EEF1E1: variants seen among roughly 807,000 people sequenced by gnomAD.
EEF1E1 encodes eukaryotic translation elongation factor 1 epsilon 1.
Under a neutral mutation model 19.9 loss-of-function variants are expected in EEF1E1, and 19 were observed. The ratio of observed to expected loss-of-function variants is 0.95; its 90% CI spans 0.66 to 1.40. The LOEUF (loss-of-function observed/expected upper bound fraction) is 1.40, where lower values mean the gene tolerates loss of function less well. Ranked by LOEUF, EEF1E1 falls within the 40% of genes most tolerant of loss-of-function variation. EEF1E1 has a pLI of 0.00. For synonymous variants in EEF1E1, 81 were observed against 80.0 expected (o/e 1.01, Z -0.07); for missense variants, 198 against 202.2 (o/e 0.98, Z 0.13).
downstream of EEF1E1, chr6:8,079,303 A>G: frequency 1.7e-6 from 1 of 598,530 alleles, no homozygotes; most frequent in Non-Finnish European, 2.1e-6. Context: ...CTCAAGAGGA[A>G]TGTATCTTAC....
chr6:8,097,539 CA>C (rs1477766894), intron 1 of EEF1E1, 72 bp from the exon 2 acceptor site: 10 of 1,186,470 alleles, frequency 8.4e-6, no homozygotes, highest in Non-Finnish European at 1.2e-5. Context: ...TCTAAGTAAC[CA>C]CGAAATCCCT....
downstream of EEF1E1, among the ~76,000 whole-genome samples, chr6:8,076,503 T>C (rs1037575984): frequency 2.7e-5 from 4 of 150,834 alleles, no homozygotes; most frequent in Non-Finnish European, 5.9e-5. Context: ...TTTTGTATTT[T>C]TAGTACAGAC....
intron 3 of EEF1E1, among the ~76,000 whole-genome samples, chr6:8,088,726 G>GCCTT (rs1226860034): frequency 2.6e-5 from 4 of 152,094 alleles, no homozygotes; most frequent in African/African-American, 9.7e-5. Flanking sequence ...CAAATGGTTT[G>GCCTT]GCCTAGGAAA....
At chr6:8,099,458 A>G (rs1758262602) in intron 1 of EEF1E1, among the ~76,000 whole-genome samples, 1 of 152,056 alleles carries the variant, frequency 6.6e-6, no homozygotes, top group Non-Finnish European at 1.5e-5. Flanking sequence ...GTTTAAGAAC[A>G]CTCTAAGGCT....
At chr6:8,097,164 A>T in intron 2 of EEF1E1, 103 bp downstream of exon 2, 1 of 1,113,366 alleles carries the variant, frequency 9.0e-7, no homozygotes, top group Non-Finnish European at 1.3e-6. Flanking sequence ...AGGCAGAAGG[A>T]AAGAGGTGAA....
chr6:8,079,448 C>T lies in EEF1E1; in HGVS notation c.*442G>A. 1.0e-6 allele frequency: 1 copy of T among 989,140 alleles called. No homozygotes were observed. The highest frequency in any genetic ancestry group is 1.2e-6 in the Non-Finnish European group (1 of 831,834). The allele number at this position is 989,140 out of a possible 1,614,324, so 61.3% of individuals were successfully genotyped here. A position where few individuals can be genotyped will look rare whatever the true frequency, so the allele number is the denominator to read the frequency against. ...CATAAATATTTTAAAACAAATCCAT[C>T]TGTCTTCCCTTTTGGCTTCCTTGGC... On this transcript the variant is annotated 3_prime_UTR_variant, in exon 4 of 4. Transcript: ENST00000379715.
intron 2 of EEF1E1, among the ~76,000 whole-genome samples, chr6:8,092,329 G>T (rs986677602): frequency 1.3e-5 from 2 of 152,190 alleles, no homozygotes; most frequent in Admixed American, 1.3e-4. Context: ...AAAAATGTTT[G>T]CAGAATTGAA....
chr6:8,102,206 G>A (rs888716229), intron 1 of EEF1E1: 3 of 696,034 alleles, frequency 4.3e-6, no homozygotes, highest in African/African-American at 1.9e-5. Flanking sequence ...CCCAGGAGGT[G>A]AAGTTCAGGC....
intron 3 of EEF1E1, among the ~76,000 whole-genome samples, chr6:8,089,127 G>A (rs1218553691): frequency 6.6e-6 from 1 of 152,172 alleles, no homozygotes; most frequent in African/African-American, 2.4e-5. Flanking sequence ...GGGAAAGGGT[G>A]GTGACTGTAG....
chr6:8,099,754 ACACACAC>A lies in EEF1E1; in HGVS notation c.88-2294_88-2288del, dbSNP rs1561646177. 9.2e-3 allele frequency among the ~76,000 whole-genome samples: 865 copies of A among 93,936 alleles called. 15 individuals are homozygous for A. The highest frequency in any genetic ancestry group is 0.038 in the African/African-American group (744 of 19,818). The allele number at this position is 93,936 out of a possible 152,430, so 61.6% of individuals were successfully genotyped here. On this transcript the variant is annotated intron_variant, in intron 1 of 3. Transcript: ENST00000379715. ...AAGAGTGAAGCTCCGCCTCAAAAAC[ACACACAC>A]ACACACACACACACACACACACACA...
At position 8,080,007 on chromosome 6, in the gene EEF1E1, CT is replaced by C. The variant is rs763791139; in HGVS notation, c.407del (p.Lys136ArgfsTer54). The C allele has an allele frequency of 1.2e-6, 2 of 1,613,458 alleles. No individual in the cohort carries two copies. The highest frequency in any genetic ancestry group is 1.7e-6 in the Non-Finnish European group (2 of 1,179,872). On this transcript the variant is annotated frameshift_variant, in exon 4 of 4. Coordinates refer to ENST00000379715, the MANE Select transcript of EEF1E1 (RefSeq NM_004280.5). LOFTEE classifies it high-confidence loss of function. ...RFIVDLTVQE[K>X]EKYLNVSRWF... ...AGCGAGACACATTAAGATATTTCTC[CT>C]TTTCTTGAACTGTCAGGTCAACCTA...
downstream of EEF1E1, among the ~76,000 whole-genome samples, chr6:8,075,086 G>C (rs1397805736): frequency 6.6e-6 from 1 of 152,192 alleles, no homozygotes; most frequent in Non-Finnish European, 1.5e-5. Flanking sequence ...GCTGAATGGG[G>C]GGAGAAGACA....
At chr6:8,101,140 C>T (rs1195902677) in intron 1 of EEF1E1, among the ~76,000 whole-genome samples, 3 of 144,690 alleles carry the variant, frequency 2.1e-5, no homozygotes, top group Non-Finnish European at 4.5e-5. Context: ...GCAGAAGAAT[C>T]GCTTGAACCC....
chr6:8,079,502 A>G lies in EEF1E1; in HGVS notation c.*388T>C, dbSNP rs1166422979. ...ATTTATCAGTTCTTAACAAACTACC[A>G]TAAATATCCATAAGGGGAAAATGAA... On this transcript the variant is annotated 3_prime_UTR_variant, in exon 4 of 4. Transcript: ENST00000379715. 1 of 994,282 alleles carries G rather than the reference A, an allele frequency of 1.0e-6. No individual in the cohort carries two copies. Among genetic ancestry groups the G allele is most frequent in the East Asian group, 1.1e-4 (1 of 9,456 alleles). The allele number at this position is 994,282 out of a possible 1,614,324, so 61.6% of individuals were successfully genotyped here. A position where few individuals can be genotyped will look rare whatever the true frequency, so the allele number is the denominator to read the frequency against.
intron 1 of EEF1E1, among the ~76,000 whole-genome samples, chr6:8,100,331 T>A (rs1452680484): frequency 6.6e-6 from 1 of 152,232 alleles, no homozygotes; most frequent in African/African-American, 2.4e-5. Flanking sequence ...CATGAGTTTA[T>A]ACATCCACTT....
chr6:8,077,188 C>T (rs1320202146), downstream of EEF1E1, among the ~76,000 whole-genome samples: 2 of 152,118 alleles, frequency 1.3e-5, no homozygotes, highest in Admixed American at 6.5e-5. Flanking sequence ...CGTGATCCGC[C>T]CGCCTTGGCC....
At chr6:8,073,393 G>C (rs201231937) in exon 4 of EEF1E1, 2 of 1,249,392 alleles carry the variant, frequency 1.6e-6, no homozygotes, top group South Asian at 1.8e-5. Context: ...ACTCCATGTA[G>C]AGTAGTTTAC....
chr6:8,073,598 T>TA, intron 3 of EEF1E1: 1 of 1,491,188 alleles, frequency 6.7e-7, no homozygotes, highest in Non-Finnish European at 9.0e-7. Context: ...AAATGTTATC[T>TA]ATTATTGTTG....
chr6:8,080,075 T>C, intron 3 of EEF1E1, 45 bp from the exon 4 acceptor site: 8 of 1,591,680 alleles, frequency 5.0e-6, no homozygotes, highest in Non-Finnish European at 6.9e-6. Flanking sequence ...AGATGTTACA[T>C]AAGCACAACT....
Sources: allele counts gnomAD v4.1 joint callset (sites outside exome capture counted in the v4.1 genomes callset), GRCh38; gene constraint gnomAD v4.1.1; transcripts MANE v1.5; gene names NCBI Gene and HGNC (gene_info 2026-07-23, HGNC 2026-07-21).